DDB1: variants seen among roughly 807,000 people sequenced by gnomAD.
DDB1 encodes damage specific DNA binding protein 1, also known as DNA damage-binding protein 1.
A neutral mutation model predicts 133.1 loss-of-function variants in DDB1; 18 were observed. The observed-to-expected ratio is 0.14, with a 90% CI of 0.09 to 0.20. The LOEUF (loss-of-function observed/expected upper bound fraction) is 0.20, where lower values mean the gene tolerates loss of function less well. Among genes scored for constraint, DDB1 ranks in the 10% least tolerant of loss-of-function variants. The pLI, the probability that DDB1 is intolerant of heterozygous loss-of-function variation, is 1.00. For synonymous variants in DDB1, 580 were observed against 550.5 expected (o/e 1.05, Z -0.75); for missense variants, 828 against 1,459.2 (o/e 0.57, Z 7.05).
At position 61,313,537 on chromosome 11, in the gene DDB1, G is replaced by C; in HGVS notation, c.2031C>G (p.Asn677Lys). The change falls in exon 16 of 27, where the codon AAC becomes AAG. Residue 677 changes from asparagine (N) to lysine (K), a missense_variant. Physicochemically the swap from Asn to Lys is moderately conservative, Grantham distance 94 (BLOSUM62 0). Transcript: ENST00000301764. ...VFSNVNLKEV[N>K]YMCPLNSDGY... The stretch of plus-strand genomic sequence containing the variant: ...CATCTGAATTGAGGGGACACATGTA[G>C]TTCACTTCCTTGAGGTTGACATTTG... 6.2e-7 allele frequency: 1 copy of C among 1,614,180 alleles called. No individual in the cohort carries two copies. Among genetic ancestry groups the C allele is most frequent in the Non-Finnish European group, 8.5e-7 (1 of 1,180,028 alleles).
At chr11:61,318,446 G>T (rs1308644922) in intron 10 of DDB1, among the ~76,000 whole-genome samples, 1 of 152,074 alleles carries the variant, frequency 6.6e-6, no homozygotes, top group Non-Finnish European at 1.5e-5. Flanking sequence ...AACATAATGT[G>T]TGGTCAAACT....
At chr11:61,321,434 T>A (rs1856178531) in intron 10 of DDB1, 161 bp downstream of exon 10, 1 of 557,588 alleles carries the variant, frequency 1.8e-6, no homozygotes, top group East Asian at 2.7e-5. Context: ...AAGTTTACTT[T>A]TATACTTTCA....
intron 10 of DDB1, among the ~76,000 whole-genome samples, chr11:61,320,207 C>CTT (rs200495883): frequency 1.4e-5 from 2 of 144,480 alleles, no homozygotes; most frequent in South Asian, 2.2e-4. Context: ...TTCTTTTTTT[C>CTT]TTTTTTTTTT....
intron 10 of DDB1, among the ~76,000 whole-genome samples, chr11:61,316,994 T>C (rs1372048064): frequency 2.3e-5 from 2 of 88,250 alleles, no homozygotes; most frequent in African/African-American, 3.6e-5. Context: ...TATATATATA[T>C]ATATAGACAT....
intron 19 of DDB1, 97 bp downstream of exon 19, chr11:61,310,198 G>C (rs886792167): frequency 6.6e-7 from 1 of 1,518,064 alleles, no homozygotes; most frequent in African/African-American, 1.4e-5. Context: ...TCCTAGGACA[G>C]TCTGCCACAT....
chr11:61,305,511 T>C (rs73492338), intron 21 of DDB1, among the ~76,000 whole-genome samples: 14,230 of 152,122 alleles, frequency 0.094, 2,038 homozygotes, highest in African/African-American at 0.31. Context: ...ATCTCATAAA[T>C]AAACACATAC....
In DDB1 at chr11:61,303,057, A is replaced by G. The variant is rs377355503; in HGVS notation, c.2931T>C (p.Cys977=). ...GAENAFNLFV[C]QKDSAATTDE... Reference sequence around the variant, plus strand: ...TGGCCACTACTCACCTATCCTTTTGACACACAAACAAGTTAAAGGCATTTT... The same window carrying G: ...TGGCCACTACTCACCTATCCTTTTGGCACACAAACAAGTTAAAGGCATTTT... The change falls in exon 23 of 27, where the codon TGT becomes TGC. Residue 977 remains cysteine, a synonymous_variant. Coordinates refer to ENST00000301764, the MANE Select transcript of DDB1 (RefSeq NM_001923.5). 1 of 1,614,094 alleles carries G rather than the reference A, an allele frequency of 6.2e-7. No homozygotes were observed.
At chr11:61,321,802 T>C (rs921297244) in intron 9 of DDB1, 105 bp from the exon 10 acceptor site, 2 of 994,624 alleles carry the variant, frequency 2.0e-6, no homozygotes, top group South Asian at 1.3e-5. Flanking sequence ...AGAACCTTTA[T>C]TGTGGGGCTA....
At chr11:61,316,252 T>G (rs752937160) in intron 12 of DDB1, 33 bp downstream of exon 12, 1 of 1,590,480 alleles carries the variant, frequency 6.3e-7, no homozygotes, top group Non-Finnish European at 8.6e-7. Context: ...AATTCAAGTA[T>G]ATGGTAACAC....
intron 1 of DDB1, chr11:61,332,299 T>C (rs970923929): frequency 6.5e-6 from 1 of 153,164 alleles, no homozygotes; most frequent in African/African-American, 2.4e-5. Context: ...GAATGTGGGT[T>C]AAGATGACTC....
Position 61,314,326 on chromosome 11 carries a change from T to C in DDB1, c.1571A>G (p.Gln524Arg), listed in dbSNP as rs759300176. ...RALYYLQIHP[Q>R]ELRQISHTEM... ...CACACACCTGATCTGCCGGAGCTCC[T>C]GAGGATGGATCTGCAGATAGTAGAG... is the stretch of plus-strand genomic sequence containing the variant. Residue 524 changes from glutamine to arginine, a missense_variant, in exon 13 of 27, where the codon CAG becomes CGG. Coordinates refer to ENST00000301764, the MANE Select transcript of DDB1 (RefSeq NM_001923.5). 6.8e-6 allele frequency: 11 copies of C among 1,612,550 alleles called. No individual in the cohort carries two copies. In the East Asian group the frequency reaches 2.2e-4, roughly 33 times the overall value.
At chr11:61,302,395 C>A in intron 24 of DDB1, 36 bp from the exon 25 acceptor site, 1 of 1,605,220 alleles carries the variant, frequency 6.2e-7, no homozygotes, top group Non-Finnish European at 8.5e-7. Context: ...CTGCAGAGAG[C>A]TCAACCCCAC....
chr11:61,326,974 C>T lies in DDB1; in HGVS notation c.550-81G>A, dbSNP rs1464501609. 6.2e-6 allele frequency: 6 copies of T among 971,024 alleles called. No homozygotes were observed. In the East Asian group the frequency reaches 1.4e-4, roughly 23 times the overall value. 60.2% of individuals were successfully genotyped at this position (971,024 alleles called of 1,614,324 possible). A position where few individuals can be genotyped will look rare whatever the true frequency, so the allele number is the denominator to read the frequency against. On this transcript the variant is annotated intron_variant, in intron 4 of 26. Coordinates refer to ENST00000301764, the MANE Select transcript of DDB1 (RefSeq NM_001923.5). ...GAGAGGTGCTGTAAGGAATAAGCCA[C>T]CACTACCCAGCATCTGACAGTCCTG...
At position 61,313,494 on chromosome 11, in the gene DDB1, C is replaced by T. The variant is rs371466859; in HGVS notation, c.2069+5G>A. On this transcript the variant is annotated splice_donor_5th_base_variant and intron_variant, in intron 16 of 26. Transcript: ENST00000301764. ...CTCTCATTAAATAAGGAAAAAGAGA[C>T]TCACCTGTCAGGATAGCCATCTGAA... is the stretch of plus-strand genomic sequence containing the variant. The T allele has an allele frequency of 3.7e-5, 60 of 1,612,960 alleles. No individual in the cohort carries two copies. The African/African-American group carries it at 7.6e-4, about 20-fold the overall frequency.
chr11:61,302,804 CCT>C (rs1855822545), intron 23 of DDB1, 53 bp from the exon 24 acceptor site: 4 of 1,608,382 alleles, frequency 2.5e-6, no homozygotes, highest in Non-Finnish European at 3.4e-6. Flanking sequence ...CACCACAGGC[CCT>C]GAGACAGGAC....
intron 22 of DDB1, 128 bp downstream of exon 22, chr11:61,303,737 A>T: frequency 2.7e-6 from 2 of 737,620 alleles, no homozygotes; most frequent in Non-Finnish European, 4.4e-6. Context: ...TAATCAATGT[A>T]GAATGTCTGC....
chr11:61,302,435 C>T (rs1054389399), intron 24 of DDB1, 76 bp from the exon 25 acceptor site: 1 of 1,579,588 alleles, frequency 6.3e-7, no homozygotes, highest in Non-Finnish European at 8.7e-7. Context: ...AAGGGCAGCC[C>T]AGGTGAGCAG....
chr11:61,309,123 T>C (rs1263995832), intron 20 of DDB1, 46 bp from the exon 21 acceptor site: 1 of 1,572,306 alleles, frequency 6.4e-7, no homozygotes, highest in Non-Finnish European at 8.8e-7. Flanking sequence ...GCCCACACTT[T>C]ACCTCATCAA....
At chr11:61,329,864 C>A in intron 3 of DDB1, 94 bp downstream of exon 3, 3 of 1,085,820 alleles carry the variant, frequency 2.8e-6, no homozygotes, top group Non-Finnish European at 4.1e-6. Flanking sequence ...TTTCTCTGAT[C>A]GAATAGAGAG....
Sources: gnomAD v4.1 joint callset for allele counts (sites outside exome capture counted in the v4.1 genomes callset) on GRCh38, gnomAD v4.1.1 for gene constraint, MANE v1.5 for transcripts, NCBI Gene and HGNC (gene_info 2026-07-23, HGNC 2026-07-21) for gene names.